ARLN: variants seen among roughly 807,000 people sequenced by gnomAD.
ARLN encodes the protein allregulin.
chr4:119,298,258 C>A, the ARLN span: 1 of 152,188 alleles, frequency 6.6e-6, no homozygotes, highest in Admixed American at 6.5e-5. Context: ...CTTTTCATAA[C>A]AGAGTCCAAC....
At chr4:119,300,655 C>G in the ARLN span, 1 of 1,560,938 alleles carries the variant, frequency 6.4e-7, no homozygotes, top group Admixed American at 1.9e-5. Flanking sequence ...CGCCGCGCCC[C>G]GGGTTCCGGA....
the ARLN span, chr4:119,300,646 G>A: frequency 8.3e-6 from 13 of 1,571,786 alleles, no homozygotes; most frequent in Non-Finnish European, 1.1e-5. Context: ...TGCGCAGTGC[G>A]CCGCGCCCCG....
At chr4:119,303,433 C>T in the ARLN span, among the ~76,000 whole-genome samples, 2 of 151,924 alleles carry the variant, frequency 1.3e-5, no homozygotes, top group Non-Finnish European at 2.9e-5. Context: ...CAGAGTTTCG[C>T]CATGTTGGCC....
At chr4:119,297,504 C>T in the ARLN span, 1 of 152,290 alleles carries the variant, frequency 6.6e-6, no homozygotes, top group African/African-American at 2.4e-5. Flanking sequence ...GTGCAGTGGC[C>T]CCATCTTGGC....
chr4:119,301,053 A>T, the ARLN span: 64 of 352,478 alleles, frequency 1.8e-4, no homozygotes, highest in East Asian at 3.0e-3. Flanking sequence ...TACTCACGGG[A>T]CTGAGTTTCC....
the ARLN span, chr4:119,298,516 C>T: frequency 2.7e-6 from 1 of 376,196 alleles, no homozygotes; most frequent in Admixed American, 4.5e-5. Flanking sequence ...TATATTCAGC[C>T]CCTGTAAAGC....
the ARLN span, chr4:119,298,529 TCAG>T: frequency 2.4e-6 from 1 of 419,680 alleles, no homozygotes. Context: ...TGTAAAGCCA[TCAG>T]ATGTTTGAAA....
At chr4:119,300,827 G>A in the ARLN span, 1 of 1,435,992 alleles carries the variant, frequency 7.0e-7, no homozygotes, top group African/African-American at 1.4e-5. Flanking sequence ...GGTTATTCAG[G>A]TTTCGTTGGA....
chr4:119,296,965 G>A, the ARLN span: 1 of 152,206 alleles, frequency 6.6e-6, no homozygotes, highest in Admixed American at 6.5e-5. Flanking sequence ...AAGTCTGTGT[G>A]TGACCTAACA....
At chr4:119,304,440 G>C in the ARLN span, 1 of 1,520,772 alleles carries the variant, frequency 6.6e-7, no homozygotes, top group Non-Finnish European at 8.8e-7. Flanking sequence ...TTATTAGACT[G>C]GTCATCTTTC....
chr4:119,303,491 T>C, the ARLN span, among the ~76,000 whole-genome samples: 1 of 152,340 alleles, frequency 6.6e-6, no homozygotes, highest in Admixed American at 6.5e-5. Flanking sequence ...CGCCTCGGCC[T>C]GCCAAAGTGC....
chr4:119,303,533 G>A, the ARLN span, among the ~76,000 whole-genome samples: 2 of 152,086 alleles, frequency 1.3e-5, no homozygotes, highest in Non-Finnish European at 2.9e-5. Flanking sequence ...CTGCACCCAG[G>A]CTGTTCTCTT....
At chr4:119,300,578 C>T in the ARLN span, 19 of 1,613,864 alleles carry the variant, frequency 1.2e-5, no homozygotes, top group Non-Finnish European at 1.6e-5. Context: ...ACCGAAAATG[C>T]TTAAGTTCCC....
the ARLN span, chr4:119,298,821 T>G: frequency 3.9e-6 from 3 of 769,784 alleles, no homozygotes; most frequent in Non-Finnish European, 7.2e-6. Flanking sequence ...TGCTTTATCT[T>G]CCCAGTTTTT....
the ARLN span, among the ~76,000 whole-genome samples, chr4:119,301,681 A>G: frequency 6.6e-6 from 1 of 152,196 alleles, no homozygotes; most frequent in Non-Finnish European, 1.5e-5. Context: ...TGTTTTTACA[A>G]AGTCATTAAA....
chr4:119,300,532 C>T, the ARLN span: 1 of 1,614,196 alleles, frequency 6.2e-7, no homozygotes, highest in Non-Finnish European at 8.5e-7. Context: ...GCGTCCACCT[C>T]CATCTCGCTC....
chr4:119,298,875 G>C, the ARLN span: 2 of 681,596 alleles, frequency 2.9e-6, no homozygotes, highest in Non-Finnish European at 5.4e-6. Flanking sequence ...GAAAAGCCTA[G>C]AACATTTCTT....
chr4:119,299,783 TGGTA>T, the ARLN span, among the ~76,000 whole-genome samples: 4 of 152,140 alleles, frequency 2.6e-5, no homozygotes, highest in Admixed American at 1.3e-4. Context: ...TTTACTGAAA[TGGTA>T]ACGCTGCAAG....
the ARLN span, among the ~76,000 whole-genome samples, chr4:119,303,037 G>C: frequency 1.3e-5 from 2 of 151,920 alleles, no homozygotes; most frequent in Non-Finnish European, 2.9e-5. Flanking sequence ...TGGAGAATTT[G>C]GTTACTGTAA....
Sources: gnomAD v4.1 joint callset for allele counts (sites outside exome capture counted in the v4.1 genomes callset) on GRCh38, gnomAD v4.1.1 for gene constraint, MANE v1.5 for transcripts, NCBI Gene and HGNC (gene_info 2026-07-23, HGNC 2026-07-21) for gene names.